The following MEX3A variants were observed in gnomAD, a reference collection of about 807,000 sequenced individuals.
MEX3A encodes the protein mex-3 RNA binding family member A.
Under a neutral mutation model 30.0 loss-of-function variants are expected in MEX3A, and 4 were observed. The observed-to-expected ratio is 0.13, with a 90% CI of 0.07 to 0.30. The LOEUF is 0.30. MEX3A is among the 10% of genes least tolerant of loss of function. The pLI is 1.00. For synonymous variants in MEX3A, 335 were observed against 327.6 expected (o/e 1.02, Z -0.24); for missense variants, 555 against 736.7 (o/e 0.75, Z 2.86).
At chr1:156,079,467 C>G (rs1388018895) in intron 1 of MEX3A, among the ~76,000 whole-genome samples, 1 of 152,058 alleles carries the variant, frequency 6.6e-6, no homozygotes, top group Non-Finnish European at 1.5e-5. Context: ...CCACCCGCCT[C>G]GGCCTCCCAA....
In MEX3A at chr1:156,075,069, C is replaced by G. The variant is rs1346612932; in HGVS notation, c.*1505G>C. 2.0e-5 allele frequency: 3 copies of G among 152,294 alleles called. No individual in the cohort carries two copies. The highest frequency in any genetic ancestry group is 4.4e-5 in the Non-Finnish European group (3 of 68,060). The allele number at this position is 152,294 out of a possible 1,614,324, so 9.4% of individuals were successfully genotyped here. A position where few individuals can be genotyped will look rare whatever the true frequency, so the allele number is the denominator to read the frequency against. On this transcript the variant is annotated 3_prime_UTR_variant, in exon 2 of 2. Coordinates refer to ENST00000532414, the MANE Select transcript of MEX3A (RefSeq NM_001093725.2). ...AGAGCTGGTGGCAGCCCCAAATGAGCAGGAGGGAAGCAGCAAAGGGGGTGC... is the reference window on the plus strand; with the variant it reads ...AGAGCTGGTGGCAGCCCCAAATGAGGAGGAGGGAAGCAGCAAAGGGGGTGC...
chr1:156,075,399 GCAGA>G lies in MEX3A; in HGVS notation c.*1171_*1174del, dbSNP rs1398319831. 1 of 152,414 alleles carries G rather than the reference GCAGA, an allele frequency of 6.6e-6. No homozygotes were observed. The highest frequency in any genetic ancestry group is 1.9e-4 in the East Asian group (1 of 5,336). The allele number at this position is 152,414 out of a possible 1,614,324, so 9.4% of individuals were successfully genotyped here. ...ACGCCCTTTCCTGCTCCTTTAAATA[GCAGA>G]CACACTACTCTGGCGCCCCCACTTC... is the stretch of plus-strand genomic sequence containing the variant. On this transcript the variant is annotated 3_prime_UTR_variant, in exon 2 of 2. Transcript: ENST00000532414.
rs1018940942 is a variant in MEX3A, at chr1:156,082,372, G to A, written c.-374C>T. On this transcript the variant is annotated 5_prime_UTR_variant, in exon 1 of 2. Coordinates refer to ENST00000532414, the MANE Select transcript of MEX3A (RefSeq NM_001093725.2). ...AGTCTCTAGCCCCCGCTGTCCAGGC[G>A]CCCCCGTTAGGCTCCCGCACCGAGC... Among the ~76,000 whole-genome samples, 6 of 152,090 alleles carry A rather than the reference G, an allele frequency of 3.9e-5. No homozygotes were observed. Among genetic ancestry groups the A allele is most frequent in the African/African-American group, 1.4e-4 (6 of 41,522 alleles).
At chr1:156,079,554 T>A (rs1648163397) in intron 1 of MEX3A, among the ~76,000 whole-genome samples, 1 of 152,154 alleles carries the variant, frequency 6.6e-6, no homozygotes, top group South Asian at 2.1e-4. Context: ...GAAGGAAAAT[T>A]TGCTTGTTTC....
Position 156,081,810 on chromosome 1 carries a change from TC to T in MEX3A, c.188del (p.Gly63GlufsTer64). On this transcript the variant is annotated frameshift_variant, in exon 1 of 2. Transcript: ENST00000532414. LOFTEE classifies it high-confidence loss of function. The stretch of plus-strand genomic sequence containing the variant: ...GCGCGGGGGCGCCGCCCCCCCCACC[TC>T]CCCCGTCCTCGCCCGCCGTGGGGGC... ...PPAPTAGEDG[G>X]GGGGGAPAQP... 1 of 764,560 alleles carries T rather than the reference TC, an allele frequency of 1.3e-6. No individual in the cohort carries two copies. The highest frequency in any genetic ancestry group is 1.7e-6 in the Non-Finnish European group (1 of 586,546). 47.4% of individuals were successfully genotyped at this position (764,560 alleles called of 1,614,324 possible).
rs1648066697 is a variant in MEX3A, at chr1:156,076,482, C to T, written c.*92G>A. 7 of 1,349,152 alleles carry T rather than the reference C, an allele frequency of 5.2e-6. No homozygotes were observed. Among genetic ancestry groups the T allele is most frequent in the Non-Finnish European group, 7.1e-6 (7 of 991,942 alleles). The allele number at this position is 1,349,152 out of a possible 1,614,324, so 83.6% of individuals were successfully genotyped here. ...GAGCGAGTATCTCTAAGCACCTTGC[C>T]CCTCAAATCACCGCTTTCCAAAAGG... On this transcript the variant is annotated 3_prime_UTR_variant, in exon 2 of 2. Transcript: ENST00000532414. The surrounding 1 kb of genome is among the most constrained non-coding windows in gnomAD (Gnocchi z 6.0).
rs528489927 is a variant in MEX3A, at chr1:156,076,619, G to A, written c.1518C>T (p.Pro506=). The part of the protein sequence containing the change: ...RICERTDPEC[P]VCHITATQAI... ...CTTGCGTGGCTGTGATGTGGCAGAC[G>A]GGACACTCTGGGTCCGTCCTCTCGC... The change falls in exon 2 of 2, where the codon CCC becomes CCT. Residue 506 remains proline, a synonymous_variant. Transcript: ENST00000532414. The surrounding 1 kb of genome is among the most constrained non-coding windows in gnomAD (Gnocchi z 6.0). 311 of 1,613,598 alleles carry A rather than the reference G, an allele frequency of 1.9e-4. 2 individuals carry two copies. In the East Asian group the frequency reaches 3.9e-3, roughly 20 times the overall value.
At position 156,077,461 on chromosome 1, in the gene MEX3A, T is replaced by G; in HGVS notation, c.676A>C (p.Ile226Leu). 6.2e-7 allele frequency: 1 copy of G among 1,613,532 alleles called. No individual in the cohort carries two copies. Among genetic ancestry groups the G allele is most frequent in the African/African-American group, 1.3e-5 (1 of 75,052 alleles). The part of the protein sequence containing the change: ...VAPALPGQVT[I>L]RVRVPYRVVG... ...ACGCGGTAGGGCACCCGCACACGGA[T>G]GGTCACCTGGCCGGGCAGAGCAGGA... is the stretch of plus-strand genomic sequence containing the variant. Residue 226 changes from isoleucine (I) to leucine (L), a missense_variant, in exon 2 of 2, where the codon ATC becomes CTC. Physicochemically the swap from Ile to Leu is conservative, Grantham distance 5. This residue lies in a region of MEX3A where 35 missense variants were observed against 44.1 expected (regional missense o/e 0.79). Coordinates refer to ENST00000532414, the MANE Select transcript of MEX3A (RefSeq NM_001093725.2). This position sits in a 1 kb window ranked among gnomAD's most constrained non-coding sequence, Gnocchi z 8.3.
At chr1:156,079,676 C>T (rs1274520748) in intron 1 of MEX3A, among the ~76,000 whole-genome samples, 1 of 152,120 alleles carries the variant, frequency 6.6e-6, no homozygotes, top group Admixed American at 6.5e-5. Flanking sequence ...TATGGAGGGT[C>T]ACAAAACAGT....
In MEX3A at chr1:156,075,948, C is replaced by T. The variant is rs996542160; in HGVS notation, c.*626G>A. 6.6e-6 allele frequency: 1 copy of T among 152,468 alleles called. No individual in the cohort carries two copies. The highest frequency in any genetic ancestry group is 6.5e-5 in the Admixed American group (1 of 15,280). 9.4% of individuals were successfully genotyped at this position (152,468 alleles called of 1,614,324 possible). A position where few individuals can be genotyped will look rare whatever the true frequency, so the allele number is the denominator to read the frequency against. On this transcript the variant is annotated 3_prime_UTR_variant, in exon 2 of 2. Coordinates refer to ENST00000532414, the MANE Select transcript of MEX3A (RefSeq NM_001093725.2). ...TTGTGGGGACAGATGGCTTCTGAGC[C>T]TTTCAGCCACAGAAACGATTGACAT... is the stretch of plus-strand genomic sequence containing the variant.
chr1:156,081,697 G>A lies in MEX3A; in HGVS notation c.302C>T (p.Pro101Leu). ...APTAAPAAQT[P>L]QPPTAPKGAS... ...CCCTTTGGGGGCGGTGGGGGGCTGG[G>A]GCGTCTGCGCTGCGGGGGCCGCCGT... The change falls in exon 1 of 2, where the codon CCC (proline) becomes CTC (leucine). Residue 101 changes from proline to leucine, a missense_variant. Pro to Leu is a moderately conservative substitution (Grantham distance 98, BLOSUM62 -3). This residue lies in a region of MEX3A where 159 missense variants were observed against 159.9 expected (regional missense o/e 0.99). Coordinates refer to ENST00000532414, the MANE Select transcript of MEX3A (RefSeq NM_001093725.2). 1 of 1,351,306 alleles carries A rather than the reference G, an allele frequency of 7.4e-7. No homozygotes were observed. Among genetic ancestry groups the A allele is most frequent in the Non-Finnish European group, 9.6e-7 (1 of 1,040,414 alleles). The allele number at this position is 1,351,306 out of a possible 1,614,324, so 83.7% of individuals were successfully genotyped here. A position where few individuals can be genotyped will look rare whatever the true frequency, so the allele number is the denominator to read the frequency against.
intron 1 of MEX3A, among the ~76,000 whole-genome samples, chr1:156,080,799 A>C (rs1648200905): frequency 2.6e-5 from 3 of 117,058 alleles, no homozygotes; most frequent in Admixed American, 9.8e-5. Flanking sequence ...ACCCTGTCCT[A>C]CTCTTTCACT....
At position 156,082,290 on chromosome 1, in the gene MEX3A, A is replaced by AC. The variant is rs1197083495; in HGVS notation, c.-293dup. Among the ~76,000 whole-genome samples, 3 of 140,240 alleles carry AC rather than the reference A, an allele frequency of 2.1e-5. No individual in the cohort carries two copies. Among genetic ancestry groups the AC allele is most frequent in the Non-Finnish European group, 4.6e-5 (3 of 64,798 alleles). 92.0% of individuals were successfully genotyped at this position (140,240 alleles called of 152,430 possible). A position where few individuals can be genotyped will look rare whatever the true frequency, so the allele number is the denominator to read the frequency against. ...AGATCTCCTCTCCTCTCCGGGGGTG[A>AC]CGGGGGGCGGGGGGCTGCAGGATCT... On this transcript the variant is annotated 5_prime_UTR_variant, in exon 1 of 2. Coordinates refer to ENST00000532414, the MANE Select transcript of MEX3A (RefSeq NM_001093725.2).
Position 156,077,197 on chromosome 1 carries a change from C to T in MEX3A, c.940G>A (p.Asp314Asn), listed in dbSNP as rs749233605. The change falls in exon 2 of 2, where the codon GAT becomes AAT. Residue 314 changes from aspartate (D) to asparagine (N), a missense_variant. This residue lies in a region of MEX3A where 281 missense variants were observed against 265.1 expected (regional missense o/e 1.06). Coordinates refer to ENST00000532414, the MANE Select transcript of MEX3A (RefSeq NM_001093725.2). This position sits in a 1 kb window ranked among gnomAD's most constrained non-coding sequence, Gnocchi z 8.3. Reference sequence around the variant, plus strand: ...CGCCAGGCGTCGGAGTAGCGGCTATCGATTGCTGCGTCGGGGCTCCCCGCC... The same window carrying T: ...CGCCAGGCGTCGGAGTAGCGGCTATTGATTGCTGCGTCGGGGCTCCCCGCC... The part of the protein sequence containing the change: ...FLAGSPDAAI[D>N]SRYSDAWRVH... 1 of 1,613,572 alleles carries T rather than the reference C, an allele frequency of 6.2e-7. No homozygotes were observed. The highest frequency in any genetic ancestry group is 8.5e-7 in the Non-Finnish European group (1 of 1,179,842).
At chr1:156,081,501 GC>G (rs1297489380) in intron 1 of MEX3A, 43 bp downstream of exon 1, 4 of 1,509,840 alleles carry the variant, frequency 2.6e-6, no homozygotes, top group Non-Finnish European at 1.8e-6. Flanking sequence ...GGACGAGGGT[GC>G]CCCCACTACA....
At position 156,077,621 on chromosome 1, in the gene MEX3A, GC is replaced by G; in HGVS notation, c.515del (p.Gly172AlafsTer8). ...CTGTCACCATGAACACTGGTTCCTC[GC>G]CCCTCACCGGTGTCTTGATGTAGGT... ...TNTYIKTPVR[G>X]EEPVFMVTGR... On this transcript the variant is annotated frameshift_variant, in exon 2 of 2. Coordinates refer to ENST00000532414, the MANE Select transcript of MEX3A (RefSeq NM_001093725.2). LOFTEE classifies it high-confidence loss of function. The surrounding 1 kb of genome is among the most constrained non-coding windows in gnomAD (Gnocchi z 8.3). 1 of 1,608,148 alleles carries G rather than the reference GC, an allele frequency of 6.2e-7. No homozygotes were observed.
rs1377768874 is a variant in MEX3A, at chr1:156,072,013, TTAAG to T, written c.*4557_*4560del. The T allele has an allele frequency of 1.3e-5, 2 of 152,762 alleles. No homozygotes were observed. The highest frequency in any genetic ancestry group is 2.9e-5 in the Non-Finnish European group (2 of 68,024). 9.5% of individuals were successfully genotyped at this position (152,762 alleles called of 1,614,324 possible). ...ACATGCAGAGAACGAAGACAGAGCC[TTAAG>T]TAATAGTACTTTTAATAAAATTAAG... On this transcript the variant is annotated 3_prime_UTR_variant, in exon 2 of 2. Coordinates refer to ENST00000532414, the MANE Select transcript of MEX3A (RefSeq NM_001093725.2).
At chr1:156,080,550 C>G (rs1366445916) in intron 1 of MEX3A, among the ~76,000 whole-genome samples, 1 of 151,960 alleles carries the variant, frequency 6.6e-6, no homozygotes. Flanking sequence ...CCAAATCCTG[C>G]CCCCCACACT....
intron 1 of MEX3A, among the ~76,000 whole-genome samples, chr1:156,081,132 C>T (rs1648217284): frequency 6.6e-6 from 1 of 152,158 alleles, no homozygotes; most frequent in African/African-American, 2.4e-5. Flanking sequence ...TAACTCCAGG[C>T]GGCTGGGGGC....
Sources: gnomAD v4.1 joint callset for allele counts (sites outside exome capture counted in the v4.1 genomes callset) on GRCh38, gnomAD v4.1.1 for gene constraint, gnomAD v4.1.1 regional missense constraint, Gnocchi (gnomAD v3.1) non-coding constraint, MANE v1.5 for transcripts, NCBI Gene and HGNC (gene_info 2026-07-23, HGNC 2026-07-21) for gene names.